Variants in TMEM178B observed in about 807,000 individuals in gnomAD.
The protein encoded by TMEM178B is transmembrane protein 178B.
In TMEM178B, 5 loss-of-function variants were observed where a neutral mutation model predicts 31.0. That is an observed-to-expected ratio of 0.16 (90% CI 0.08 to 0.34). The LOEUF (loss-of-function observed/expected upper bound fraction) is 0.34. TMEM178B is among the 10% of genes least tolerant of loss of function. TMEM178B has a pLI of 1.00. For missense variants in TMEM178B, 275 were observed against 400.3 expected, an observed-to-expected ratio of 0.69 and a Z score of 2.67; for synonymous variants, 164 against 164.0, an observed-to-expected ratio of 1.00 and a Z score of 0.00.
rs1408382820 is a variant in TMEM178B at position 141,227,132 on chromosome 7, A to G, written c.496+14428A>G. ...TAGGGAACCTGAAGTCTCCCAGGGA[A>G]CACAGAGCAGTGACACAGACTCAGG... On this transcript the variant is annotated intron_variant, in intron 2 of 3. Transcript: ENST00000565468. 2.6e-5 allele frequency among the ~76,000 whole-genome samples: 4 copies of G among 152,310 alleles called. No individual in the cohort carries two copies. The East Asian group carries it at 7.7e-4, about 29-fold the overall frequency.
intron 2 of TMEM178B, among the ~76,000 whole-genome samples, chr7:141,418,399 G>GA (rs375031454): frequency 4.0e-5 from 6 of 151,766 alleles, no homozygotes; most frequent in African/African-American, 7.3e-5. Flanking sequence ...GGCCACGCAG[G>GA]AAAAAAAACA....
intron 2 of TMEM178B, among the ~76,000 whole-genome samples, chr7:141,249,870 C>G (rs919056734): frequency 3.3e-5 from 5 of 152,138 alleles, no homozygotes; most frequent in African/African-American, 1.2e-4. Context: ...ATGAGACTTT[C>G]CTTTATCTAA....
chr7:141,189,421 A>G (rs1796662611), intron 1 of TMEM178B, among the ~76,000 whole-genome samples: 1 of 152,212 alleles, frequency 6.6e-6, no homozygotes, highest in Non-Finnish European at 1.5e-5. Context: ...TGGGCAGAGC[A>G]GCAGGAATGT....
intron 1 of TMEM178B, among the ~76,000 whole-genome samples, chr7:141,127,881 G>A (rs1795525899): frequency 6.6e-6 from 1 of 152,076 alleles, no homozygotes; most frequent in Non-Finnish European, 1.5e-5. Context: ...AGAATTTCAA[G>A]TTTTAGGTTC....
At chr7:141,321,520 G>A (rs933943143) in intron 2 of TMEM178B, among the ~76,000 whole-genome samples, 2 of 152,142 alleles carry the variant, frequency 1.3e-5, no homozygotes, top group Non-Finnish European at 2.9e-5. Flanking sequence ...CACTATTCAC[G>A]CCTACAGCCA....
intron 1 of TMEM178B, among the ~76,000 whole-genome samples, chr7:141,109,300 G>A (rs1739619180): frequency 6.6e-6 from 1 of 152,084 alleles, no homozygotes; most frequent in African/African-American, 2.4e-5. Context: ...GGTGGTGAAA[G>A]GGTGATGGGA....
the TMEM178B span, among the ~76,000 whole-genome samples, chr7:141,497,968 A>G: frequency 6.6e-6 from 1 of 152,196 alleles, no homozygotes; most frequent in Non-Finnish European, 1.5e-5. Flanking sequence ...AGTTTTTTTC[A>G]TAACTGTGTG....
At chr7:141,112,406 C>T (rs1466969144) in intron 1 of TMEM178B, among the ~76,000 whole-genome samples, 1 of 152,128 alleles carries the variant, frequency 6.6e-6, no homozygotes, top group Non-Finnish European at 1.5e-5. Context: ...GTGTTAGCCA[C>T]CACAGCCTGG....
At chr7:141,167,210 A>C (rs1400831577) in intron 1 of TMEM178B, among the ~76,000 whole-genome samples, 2 of 152,168 alleles carry the variant, frequency 1.3e-5, no homozygotes. Context: ...CTCCTGACAC[A>C]TTATCTAGAG....
intron 1 of TMEM178B, among the ~76,000 whole-genome samples, chr7:141,126,592 C>A (rs1334901802): frequency 5.9e-5 from 9 of 152,192 alleles, no homozygotes; most frequent in African/African-American, 1.4e-4. Flanking sequence ...AAGTGGAAAA[C>A]CACTGGGAAA....
chr7:141,433,213 A>C (rs145752226), intron 2 of TMEM178B, among the ~76,000 whole-genome samples: 7 of 152,328 alleles, frequency 4.6e-5, no homozygotes, highest in African/African-American at 1.7e-4. Context: ...GGAATCCCTC[A>C]GTGATATGCA....
Position 141,362,871 on chromosome 7 carries a change from T to A in TMEM178B, c.497-74737T>A, listed in dbSNP as rs145767287. Among the ~76,000 whole-genome samples, 737 of 152,146 alleles carry A rather than the reference T, an allele frequency of 4.8e-3. 9 individuals are homozygous for A. The highest frequency in any genetic ancestry group is 0.017 in the African/African-American group (699 of 41,484). ...CTGGAGCGACAGAGACACTCAGGGG[T>A]CAGTGCATGTCATCCAGATACAGCA... On this transcript the variant is annotated intron_variant, in intron 2 of 3. Coordinates refer to ENST00000565468, the MANE Select transcript of TMEM178B (RefSeq NM_001195278.2).
At chr7:141,426,632 A>G (rs982167324) in intron 2 of TMEM178B, among the ~76,000 whole-genome samples, 1 of 152,168 alleles carries the variant, frequency 6.6e-6, no homozygotes, top group Non-Finnish European at 1.5e-5. Flanking sequence ...GCTTAGAGAA[A>G]GATGGTGATG....
intron 2 of TMEM178B, among the ~76,000 whole-genome samples, chr7:141,424,882 T>C (rs1801284527): frequency 6.6e-6 from 1 of 152,168 alleles, no homozygotes; most frequent in Non-Finnish European, 1.5e-5. Flanking sequence ...TCCATTACAT[T>C]TGATTGAATG....
In TMEM178B at chr7:141,231,398, C is replaced by T. The variant is rs567082859; in HGVS notation, c.496+18694C>T. Among the ~76,000 whole-genome samples the T allele has an allele frequency of 3.9e-5, 6 of 152,054 alleles. No homozygotes were observed. In the South Asian group the frequency reaches 1.2e-3, roughly 32 times the overall value. On this transcript the variant is annotated intron_variant, in intron 2 of 3. Coordinates refer to ENST00000565468, the MANE Select transcript of TMEM178B (RefSeq NM_001195278.2). The stretch of plus-strand genomic sequence containing the variant: ...TTTGTACAAAAATGTAATTAGATTC[C>T]TTCTCCAGAGGCAATCCATTAATGT...
At chr7:141,134,938 C>T (rs1795652245) in intron 1 of TMEM178B, among the ~76,000 whole-genome samples, 1 of 152,164 alleles carries the variant, frequency 6.6e-6, no homozygotes, top group African/African-American at 2.4e-5. Context: ...ATGACTGAAT[C>T]ATGGGGGTAG....
At chr7:141,252,773 A>G (rs1320050431) in intron 2 of TMEM178B, among the ~76,000 whole-genome samples, 2 of 152,216 alleles carry the variant, frequency 1.3e-5, no homozygotes, top group East Asian at 3.9e-4. Context: ...CTAGAAGTCT[A>G]GATGTGTTGT....
At chr7:141,085,847 G>T (rs1794776546) in intron 1 of TMEM178B, among the ~76,000 whole-genome samples, 1 of 151,982 alleles carries the variant, frequency 6.6e-6, no homozygotes, top group Non-Finnish European at 1.5e-5. Flanking sequence ...TTGAAGACGT[G>T]CGTGCCTGTG....
At chr7:141,235,808 G>T (rs1398344530) in intron 2 of TMEM178B, among the ~76,000 whole-genome samples, 1 of 152,170 alleles carries the variant, frequency 6.6e-6, no homozygotes, top group African/African-American at 2.4e-5. Flanking sequence ...GAAATTGCCA[G>T]GGCCTCGGAT....
Sources: allele counts gnomAD v4.1 joint callset (sites outside exome capture counted in the v4.1 genomes callset), GRCh38; gene constraint gnomAD v4.1.1; transcripts MANE v1.5; gene names NCBI Gene and HGNC (gene_info 2026-07-23, HGNC 2026-07-21).